The following MAPK10 variants were observed in gnomAD, a reference collection of about 807,000 sequenced individuals.
MAPK10 encodes mitogen-activated protein kinase 10, also known as JNK3 alpha protein kinase.
Under a neutral mutation model 59.3 loss-of-function variants are expected in MAPK10, and 25 were observed. That is an observed-to-expected ratio of 0.42 (90% CI 0.31 to 0.59). The LOEUF is 0.59. Among genes scored for constraint, MAPK10 ranks in the 20% least tolerant of loss-of-function variants. The pLI, the probability that MAPK10 is intolerant of heterozygous loss-of-function variation, is 0.15. For missense variants in MAPK10, 351 were observed against 568.9 expected (o/e 0.62, Z 3.90); for synonymous variants, 190 against 200.5 (o/e 0.95, Z 0.44).
At chr4:86,308,949 T>C (rs1251874017) in intron 2 of MAPK10, among the ~76,000 whole-genome samples, 3 of 152,182 alleles carry the variant, frequency 2.0e-5, no homozygotes, top group Non-Finnish European at 4.4e-5. Flanking sequence ...AGTTAACATA[T>C]AAAAAGTCCT....
At chr4:86,510,527 A>G (rs186029466) in intron 1 of MAPK10, among the ~76,000 whole-genome samples, 188 of 150,536 alleles carry the variant, frequency 1.2e-3, no homozygotes, top group East Asian at 0.012. Flanking sequence ...ATATCTATAT[A>G]CATGTATATA....
At chr4:86,083,181 C>A (rs946023310) in intron 9 of MAPK10, among the ~76,000 whole-genome samples, 1 of 152,000 alleles carries the variant, frequency 6.6e-6, no homozygotes, top group Non-Finnish European at 1.5e-5. Context: ...CACCAATCAT[C>A]CCCCCTGAAA....
At chr4:86,585,971 C>G (rs111919636) in intron 1 of MAPK10, among the ~76,000 whole-genome samples, 594 of 152,294 alleles carry the variant, frequency 3.9e-3, no homozygotes, top group Non-Finnish European at 5.3e-3. Flanking sequence ...AAATCACACT[C>G]TTTAAGACAG....
At position 86,528,110 on chromosome 4, in the gene MAPK10, C is replaced by T. The variant is rs553248941; in HGVS notation, c.-263+65800G>A. ...CCAAACCTTAGCACCACACAATATG[C>T]TCATGTAACAAACCTGTGCTTGTGC... On this transcript the variant is annotated intron_variant, in intron 1 of 4. Coordinates refer to the MAPK10 transcript ENST00000502302. 1.1e-4 allele frequency among the ~76,000 whole-genome samples: 16 copies of T among 152,244 alleles called. No homozygotes were observed. The East Asian group carries it at 2.7e-3, about 26-fold the overall frequency.
intron 1 of MAPK10, among the ~76,000 whole-genome samples, chr4:86,505,822 C>A (rs1477064219): frequency 6.6e-6 from 1 of 152,090 alleles, no homozygotes; most frequent in Non-Finnish European, 1.5e-5. Context: ...TTTCAAATTT[C>A]TTTAGGTCAT....
intron 9 of MAPK10, among the ~76,000 whole-genome samples, chr4:86,075,768 C>T (rs372321485): frequency 1.4e-4 from 22 of 152,100 alleles, no homozygotes; most frequent in African/African-American, 5.3e-4. Context: ...TCTCCAGCTG[C>T]GTGCTGGGAG....
At chr4:86,174,180 A>T (rs2075114527) in intron 3 of MAPK10, among the ~76,000 whole-genome samples, 1 of 152,216 alleles carries the variant, frequency 6.6e-6, no homozygotes, top group Non-Finnish European at 1.5e-5. Flanking sequence ...ACATATGTTT[A>T]TTGCAGTATT....
rs1481923782 is a variant in MAPK10, at chr4:86,348,692, G to A, written c.-7+5838C>T. ...ATAATAAAAAAAAAATTTATGTGCA[G>A]TACCTACTATCTACTCTTTGGTCTC... On this transcript the variant is annotated intron_variant, in intron 2 of 13. Coordinates refer to ENST00000641462, the MANE Select transcript of MAPK10 (RefSeq NM_138982.4). Among the ~76,000 whole-genome samples the A allele has an allele frequency of 3.3e-5, 5 of 152,114 alleles. 1 individual carries two copies. The highest frequency in any genetic ancestry group is 7.4e-5 in the Non-Finnish European group (5 of 68,012).
intron 2 of MAPK10, among the ~76,000 whole-genome samples, chr4:86,289,902 A>G (rs2095166209): frequency 6.6e-6 from 1 of 152,140 alleles, no homozygotes; most frequent in South Asian, 2.1e-4. Flanking sequence ...TTGAGCAACT[A>G]TGTGAATAAT....
At chr4:86,089,175 C>G (rs771562262) in intron 9 of MAPK10, 6 of 1,555,408 alleles carry the variant, frequency 3.9e-6, no homozygotes, top group Non-Finnish European at 4.4e-6. Context: ...GAGTGACACC[C>G]ATAGATACCA....
intron 1 of MAPK10, among the ~76,000 whole-genome samples, chr4:86,542,035 CT>C (rs1224666208): frequency 6.6e-6 from 1 of 151,564 alleles, no homozygotes; most frequent in Non-Finnish European, 1.5e-5. Flanking sequence ...GTGATCCTAT[CT>C]GGATAATCAA....
intron 3 of MAPK10, among the ~76,000 whole-genome samples, chr4:86,167,582 T>C (rs144511302): frequency 3.3e-5 from 5 of 152,328 alleles, no homozygotes; most frequent in African/African-American, 1.2e-4. Context: ...TCAATAAATG[T>C]AATCCATCAC....
At chr4:86,216,014 T>C (rs2087448305) in intron 2 of MAPK10, among the ~76,000 whole-genome samples, 1 of 151,990 alleles carries the variant, frequency 6.6e-6, no homozygotes, top group African/African-American at 2.4e-5. Flanking sequence ...TGTGCCCTAT[T>C]GGTGAAAATG....
At chr4:86,476,939 C>T (rs551106810) in intron 1 of MAPK10, among the ~76,000 whole-genome samples, 39 of 152,286 alleles carry the variant, frequency 2.6e-4, no homozygotes, top group Admixed American at 7.8e-4. Flanking sequence ...CTCATCTGTG[C>T]GGGACCCCAC....
intron 2 of MAPK10, among the ~76,000 whole-genome samples, chr4:86,296,559 A>G (rs1377200962): frequency 6.6e-6 from 1 of 152,224 alleles, no homozygotes; most frequent in Non-Finnish European, 1.5e-5. Flanking sequence ...AAATATGTAT[A>G]TAGGAAAAAG....
intron 1 of MAPK10, among the ~76,000 whole-genome samples, chr4:86,382,887 C>T (rs1308677000): frequency 6.6e-6 from 1 of 152,198 alleles, no homozygotes; most frequent in Non-Finnish European, 1.5e-5. Flanking sequence ...CTTGGGTTCA[C>T]ATCACTGCTT....
intron 2 of MAPK10, among the ~76,000 whole-genome samples, chr4:86,328,810 A>G (rs1456005288): frequency 6.6e-6 from 1 of 152,120 alleles, no homozygotes; most frequent in Non-Finnish European, 1.5e-5. Context: ...ATGAGAATAC[A>G]TGGACACAGG....
intron 1 of MAPK10, among the ~76,000 whole-genome samples, chr4:86,438,690 C>CA (rs201802038): frequency 0.035 from 2,229 of 62,820 alleles, 61 homozygotes; most frequent in African/African-American, 0.11. Flanking sequence ...AACTCCATCT[C>CA]AAAAAAAAAA....
chr4:86,306,150 A>G (rs1410014706), intron 2 of MAPK10, among the ~76,000 whole-genome samples: 2 of 152,216 alleles, frequency 1.3e-5, no homozygotes, highest in African/African-American at 4.8e-5. Context: ...TTTAAATATT[A>G]ATGTAAGTAG....
Sources: gnomAD v4.1 joint callset for allele counts (sites outside exome capture counted in the v4.1 genomes callset) on GRCh38, gnomAD v4.1.1 for gene constraint, MANE v1.5 for transcripts, NCBI Gene and HGNC (gene_info 2026-07-23, HGNC 2026-07-21) for gene names.